The following PREX1 variants were observed in gnomAD, a reference collection of about 807,000 sequenced individuals.
PREX1 encodes phosphatidylinositol 3,4,5-trisphosphate-dependent Rac exchanger 1 protein.
Under a neutral mutation model 198.3 loss-of-function variants are expected in PREX1, and 41 were observed. The observed-to-expected ratio is 0.21, with a 90% confidence interval of 0.16 to 0.27. The LOEUF (loss-of-function observed/expected upper bound fraction) is 0.27, where lower values mean the gene tolerates loss of function less well. PREX1 is among the 10% of genes least tolerant of loss of function. PREX1 has a pLI of 1.00. For synonymous variants in PREX1, 843 were observed against 887.2 expected, an observed-to-expected ratio of 0.95 and a Z score of 0.89; for missense variants, 1,620 against 2,200.7, an observed-to-expected ratio of 0.74 and a Z score of 5.28.
intron 1 of PREX1, among the ~76,000 whole-genome samples, chr20:48,817,515 T>C (rs960897420): frequency 2.6e-5 from 4 of 152,182 alleles, no homozygotes; most frequent in Admixed American, 6.5e-5. Flanking sequence ...ACATATTTTA[T>C]AGATGAGGAA....
chr20:48,744,064 A>G (rs571638738), intron 3 of PREX1, among the ~76,000 whole-genome samples: 1 of 152,284 alleles, frequency 6.6e-6, no homozygotes, highest in African/African-American at 2.4e-5. Context: ...CTGATACACC[A>G]AAGTTTCTCC....
At chr20:48,746,095 A>G (rs548527204) in intron 2 of PREX1, among the ~76,000 whole-genome samples, 2 of 152,336 alleles carry the variant, frequency 1.3e-5, no homozygotes, top group South Asian at 2.1e-4. Context: ...AACTTGGCTC[A>G]GTGCAACCTC....
chr20:48,798,978 C>T (rs905145354), intron 1 of PREX1, among the ~76,000 whole-genome samples: 6 of 152,068 alleles, frequency 3.9e-5, no homozygotes, highest in Non-Finnish European at 8.8e-5. Flanking sequence ...CTCACTGAAA[C>T]CTCCACCTCC....
Position 48,660,071 on chromosome 20 carries a change from C to A in PREX1, c.1739-10G>T, listed in dbSNP as rs1241988635. 1 of 1,613,096 alleles carries A rather than the reference C, an allele frequency of 6.2e-7. No homozygotes were observed. Among genetic ancestry groups the A allele is most frequent in the Non-Finnish European group, 8.5e-7 (1 of 1,179,722 alleles). ...TCGCTCTTCTCCAGCACTGCAGATC[C>A]ACAGATGTGCACTCAGTGGTCAGAT... On this transcript the variant is annotated splice_polypyrimidine_tract_variant and intron_variant, in intron 15 of 39. Coordinates refer to ENST00000371941, the MANE Select transcript of PREX1 (RefSeq NM_020820.4).
Position 48,654,015 on chromosome 20 carries a change from A to G in PREX1, c.2210-518T>C, listed in dbSNP as rs182067186. Reference sequence around the variant, plus strand: ...TGTGAAAGGTCTGGAAATGCAAACAAATGTCAAGCTTTGCCCAGACATGGG... The same window carrying G: ...TGTGAAAGGTCTGGAAATGCAAACAGATGTCAAGCTTTGCCCAGACATGGG... On this transcript the variant is annotated intron_variant, in intron 19 of 39. Coordinates refer to ENST00000371941, the MANE Select transcript of PREX1 (RefSeq NM_020820.4). Among the ~76,000 whole-genome samples, 162 of 152,336 alleles carry G rather than the reference A, an allele frequency of 1.1e-3. 2 individuals carry two copies. The highest frequency in any genetic ancestry group is 7.1e-4 in the Non-Finnish European group (48 of 68,028).
chr20:48,852,203 G>T, the PREX1 span, among the ~76,000 whole-genome samples: 1 of 152,004 alleles, frequency 6.6e-6, no homozygotes, highest in Non-Finnish European at 1.5e-5. Flanking sequence ...CCCAAAAATG[G>T]TTCTACAGTC....
chr20:48,630,973 G>T (rs535993493), intron 35 of PREX1, among the ~76,000 whole-genome samples, 179 bp from the exon 36 acceptor site: 3 of 152,114 alleles, frequency 2.0e-5, no homozygotes, highest in Admixed American at 6.5e-5. Flanking sequence ...ACAACAGCCG[G>T]GGGGGAAAGA....
chr20:48,637,569 A>C (rs2089374572), intron 31 of PREX1, 142 bp downstream of exon 31: 1 of 828,192 alleles, frequency 1.2e-6, no homozygotes, highest in African/African-American at 1.7e-5. Flanking sequence ...CAAGAGGAAG[A>C]AGCAAGTTTC....
At chr20:48,853,501 T>A in the PREX1 span, among the ~76,000 whole-genome samples, 1 of 152,120 alleles carries the variant, frequency 6.6e-6, no homozygotes, top group Non-Finnish European at 1.5e-5. Flanking sequence ...CGAGATAGCA[T>A]GGGGGGAACC....
chr20:48,713,857 T>TAAAAAAAAAAAAAAA (rs71337452), intron 5 of PREX1, among the ~76,000 whole-genome samples: 3 of 81,738 alleles, frequency 3.7e-5, no homozygotes, highest in Non-Finnish European at 2.5e-5. Context: ...CCCAGAACTA[T>TAAAAAAAAAAAAAAA]AAAAAAAAAA....
intron 24 of PREX1, 123 bp downstream of exon 24, chr20:48,649,873 G>A (rs2089479364): frequency 2.6e-6 from 3 of 1,171,226 alleles, no homozygotes; most frequent in Non-Finnish European, 3.7e-6. Flanking sequence ...AAGAGAGAAG[G>A]TCATCCCTGA....
chr20:48,670,745 T>G (rs2089670099), intron 14 of PREX1, among the ~76,000 whole-genome samples: 2 of 152,226 alleles, frequency 1.3e-5, no homozygotes, highest in African/African-American at 4.8e-5. Context: ...AGAGGTGGTC[T>G]CTGCTCAGAC....
At chr20:48,642,348 C>T in intron 28 of PREX1, 59 bp downstream of exon 28, 5 of 1,605,034 alleles carry the variant, frequency 3.1e-6, no homozygotes, top group Non-Finnish European at 4.3e-6. Context: ...GTCATGGGCC[C>T]TCCCCAGGTG....
intron 1 of PREX1, among the ~76,000 whole-genome samples, chr20:48,816,277 C>T (rs188098877): frequency 6.6e-6 from 1 of 152,260 alleles, no homozygotes; most frequent in East Asian, 1.9e-4. Flanking sequence ...GTAGAATAAT[C>T]CTGAGTTCAA....
intron 1 of PREX1, among the ~76,000 whole-genome samples, chr20:48,820,925 C>A (rs946307055): frequency 6.6e-6 from 1 of 152,186 alleles, no homozygotes; most frequent in Non-Finnish European, 1.5e-5. Flanking sequence ...TTTGGCCGGG[C>A]ATGGTGGCTC....
chr20:48,645,791 T>C, intron 26 of PREX1, 60 bp downstream of exon 26: 1 of 1,566,472 alleles, frequency 6.4e-7, no homozygotes, highest in Non-Finnish European at 8.7e-7. Context: ...CACGGGTCCG[T>C]GGCCTCACCT....
At chr20:48,713,145 A>G (rs937268877) in intron 5 of PREX1, among the ~76,000 whole-genome samples, 2 of 151,412 alleles carry the variant, frequency 1.3e-5, no homozygotes, top group South Asian at 4.2e-4. Flanking sequence ...CATCTTAAAA[A>G]AAAGAAAAAA....
Position 48,630,723 on chromosome 20 carries a change from C to T in PREX1, c.4593+5G>A, listed in dbSNP as rs776774294. ...TCCCTGCAGCAGGAGGGCACGTGGACATACCTGGTCTATCTTTACCGCCGT... is the reference window on the plus strand; with the variant it reads ...TCCCTGCAGCAGGAGGGCACGTGGATATACCTGGTCTATCTTTACCGCCGT... On this transcript the variant is annotated splice_donor_5th_base_variant and intron_variant, in intron 36 of 39. Coordinates refer to ENST00000371941, the MANE Select transcript of PREX1 (RefSeq NM_020820.4). 1 of 1,583,748 alleles carries T rather than the reference C, an allele frequency of 6.3e-7. No individual in the cohort carries two copies. Among genetic ancestry groups the T allele is most frequent in the Admixed American group, 1.7e-5 (1 of 59,968 alleles).
At chr20:48,833,489 T>C in the PREX1 span, among the ~76,000 whole-genome samples, 1 of 147,638 alleles carries the variant, frequency 6.8e-6, no homozygotes, top group Non-Finnish European at 1.5e-5. Flanking sequence ...TTGCCCAGAG[T>C]GGAATGCAAT....
Sources: allele counts gnomAD v4.1 joint callset (sites outside exome capture counted in the v4.1 genomes callset), GRCh38; gene constraint gnomAD v4.1.1; transcripts MANE v1.5; gene names NCBI Gene and HGNC (gene_info 2026-07-23, HGNC 2026-07-21).